Variants in EFCAB6 observed in about 807,000 individuals in gnomAD.
EFCAB6 encodes the protein EF-hand calcium binding domain 6.
In EFCAB6, 156 loss-of-function variants were observed where a neutral mutation model predicts 169.8. The observed-to-expected ratio is 0.92, with a 90% CI of 0.81 to 1.05. EFCAB6 has a LOEUF of 1.05. EFCAB6 is among the 50% of genes least tolerant of loss of function. The pLI is 0.00. For missense variants in EFCAB6, 1,800 were observed against 1,829.1 expected, an observed-to-expected ratio of 0.98 and a Z score of 0.29; for synonymous variants, 698 against 676.4, an observed-to-expected ratio of 1.03 and a Z score of -0.50.
chr22:43,531,059 G>A, intron 30 of EFCAB6, 95 bp from the exon 31 acceptor site: 1 of 1,536,362 alleles, frequency 6.5e-7, no homozygotes. Flanking sequence ...GCCCAGCCCT[G>A]CTCCGGCTTC....
intron 17 of EFCAB6, among the ~76,000 whole-genome samples, chr22:43,641,500 C>T (rs899572032): frequency 6.6e-6 from 1 of 151,974 alleles, no homozygotes; most frequent in Non-Finnish European, 1.5e-5. Flanking sequence ...CCTGCAATCC[C>T]AGCTACTTGG....
Position 43,626,474 on chromosome 22 carries a change from G to C in EFCAB6, c.2438C>G (p.Thr813Arg). ...AATGAGTCTTTGAGGCGCTTCATCT[G>C]TTCTCCATGGTCTCTTCTCACACAA... is the stretch of plus-strand genomic sequence containing the variant. ...QNLCEKRPWR[T>R]DEAPQRLIRP... Residue 813 changes from threonine (T) to arginine (R), a missense_variant, in exon 20 of 32, where the codon ACA becomes AGA. Coordinates refer to ENST00000262726, the MANE Select transcript of EFCAB6 (RefSeq NM_022785.4). The C allele has an allele frequency of 2.5e-6, 4 of 1,614,158 alleles. No homozygotes were observed. The highest frequency in any genetic ancestry group is 3.4e-6 in the Non-Finnish European group (4 of 1,180,016).
At chr22:43,776,013 TGC>T (rs1406078210) in intron 3 of EFCAB6, among the ~76,000 whole-genome samples, 1 of 152,222 alleles carries the variant, frequency 6.6e-6, no homozygotes, top group African/African-American at 2.4e-5. Context: ...AAATGACTGT[TGC>T]TATTTCGAGC....
rs371232860 is a variant in EFCAB6, at chr22:43,792,925, G to C, written c.-7-10600C>G. Among the ~76,000 whole-genome samples the C allele has an allele frequency of 3.5e-4, 53 of 152,314 alleles. No homozygotes were observed. In the South Asian group the frequency reaches 0.011, roughly 31 times the overall value. ...GGACACTCAGTCTCACGCATTACCC[G>C]GCTCTCTAAGCACGTGGGGAACATC... On this transcript the variant is annotated intron_variant, in intron 2 of 31. Transcript: ENST00000262726.
chr22:43,731,046 G>A (rs2059929501), intron 8 of EFCAB6, among the ~76,000 whole-genome samples: 2 of 152,178 alleles, frequency 1.3e-5, no homozygotes, highest in South Asian at 2.1e-4. Context: ...TTAAGGTGAG[G>A]AAAATGACCA....
At chr22:43,784,548 TGTATATATACAC>T (rs2061957812) in intron 2 of EFCAB6, among the ~76,000 whole-genome samples, 5 of 109,816 alleles carry the variant, frequency 4.6e-5, no homozygotes, top group African/African-American at 1.1e-4. Flanking sequence ...TGTGTGTATA[TGTATATATACAC>T]ATATATATGT....
intron 4 of EFCAB6, among the ~76,000 whole-genome samples, chr22:43,771,132 T>C (rs1384247542): frequency 6.6e-6 from 1 of 152,100 alleles, no homozygotes; most frequent in African/African-American, 2.4e-5. Context: ...AGACTCTGAT[T>C]AAGAACTAAT....
At chr22:43,756,577 ATGTC>A (rs750082372) in intron 5 of EFCAB6, among the ~76,000 whole-genome samples, 31 of 152,098 alleles carry the variant, frequency 2.0e-4, no homozygotes, top group Non-Finnish European at 3.5e-4. Flanking sequence ...CCACTTTACA[ATGTC>A]TGTCCATGCC....
rs116196034 is a variant in EFCAB6 at position 43,605,170 on chromosome 22, C to A, written c.2681+3312G>T. The stretch of plus-strand genomic sequence containing the variant: ...CAGAAAGTATGACACTGAGAGAAAT[C>A]GGATGTCGCTGACTCTATCCTGCTT... On this transcript the variant is annotated intron_variant, in intron 22 of 31. Transcript: ENST00000262726. 3.8e-3 allele frequency among the ~76,000 whole-genome samples: 582 copies of A among 152,304 alleles called. 3 individuals are homozygous for A. The highest frequency in any genetic ancestry group is 0.014 in the Middle Eastern group (4 of 292).
intron 23 of EFCAB6, among the ~76,000 whole-genome samples, chr22:43,593,403 G>A (rs913920947): frequency 7.9e-5 from 12 of 152,178 alleles, no homozygotes; most frequent in Non-Finnish European, 1.6e-4. Flanking sequence ...CAGGATGCAC[G>A]GTTTCTCTCC....
intron 17 of EFCAB6, among the ~76,000 whole-genome samples, chr22:43,644,724 T>C (rs2056043530): frequency 6.6e-6 from 1 of 152,234 alleles, no homozygotes; most frequent in African/African-American, 2.4e-5. Context: ...TAAGCTGGTT[T>C]GGTTTTTGTT....
chr22:43,775,876 C>T (rs2061624070), intron 3 of EFCAB6, among the ~76,000 whole-genome samples: 1 of 152,266 alleles, frequency 6.6e-6, no homozygotes, highest in African/African-American at 2.4e-5. Context: ...ACAGCTGCAT[C>T]AACTGCTAGC....
intron 10 of EFCAB6, among the ~76,000 whole-genome samples, chr22:43,690,721 C>T (rs1261711545): frequency 6.6e-6 from 1 of 151,748 alleles, no homozygotes; most frequent in African/African-American, 2.4e-5. Flanking sequence ...TCTCTCCGTT[C>T]TTCCAAAGAG....
In EFCAB6 at chr22:43,652,379, C is replaced by T. The variant is rs150211999; in HGVS notation, c.1983+14725G>A. Among the ~76,000 whole-genome samples, 266 of 152,292 alleles carry T rather than the reference C, an allele frequency of 1.7e-3. 1 individual carries two copies. The highest frequency in any genetic ancestry group is 6.4e-3 in the African/African-American group (264 of 41,562). On this transcript the variant is annotated intron_variant, in intron 17 of 31. Coordinates refer to ENST00000262726, the MANE Select transcript of EFCAB6 (RefSeq NM_022785.4). ...GCCTTCCACCATGATTGTGAGGCTT[C>T]CCCAGCCATGTGGAACTGTAAGTCC... is the stretch of plus-strand genomic sequence containing the variant.
intron 11 of EFCAB6, 128 bp downstream of exon 11, chr22:43,687,343 G>T: frequency 1.7e-6 from 1 of 584,638 alleles, no homozygotes; most frequent in Non-Finnish European, 2.8e-6. Context: ...TATAAAAGTT[G>T]GCAATTATTC....
At chr22:43,564,284 C>T (rs148584047) in intron 26 of EFCAB6, among the ~76,000 whole-genome samples, 161 of 150,624 alleles carry the variant, frequency 1.1e-3, no homozygotes, top group African/African-American at 3.7e-3. Context: ...CCCATCTCTA[C>T]AAAAAATACA....
chr22:43,559,247 A>G lies in EFCAB6; in HGVS notation c.3421-4151T>C, dbSNP rs148805875. ...AAAAGAAGACATTTATGTGGCCAAT[A>G]AACATATGAAAAAAAGCTCATCATC... On this transcript the variant is annotated intron_variant, in intron 26 of 31. Coordinates refer to ENST00000262726, the MANE Select transcript of EFCAB6 (RefSeq NM_022785.4). Among the ~76,000 whole-genome samples the G allele has an allele frequency of 4.4e-3, 664 of 152,358 alleles. 1 individual carries two copies. Among genetic ancestry groups the G allele is most frequent in the Non-Finnish European group, 7.7e-3 (521 of 68,032 alleles).
intron 17 of EFCAB6, among the ~76,000 whole-genome samples, chr22:43,663,402 G>A (rs1300765105): frequency 2.0e-5 from 3 of 152,058 alleles, no homozygotes; most frequent in Non-Finnish European, 4.4e-5. Flanking sequence ...GTAGAAAAAA[G>A]CCATTTACCC....
At chr22:43,710,730 G>A (rs544367822) in intron 10 of EFCAB6, among the ~76,000 whole-genome samples, 4 of 152,158 alleles carry the variant, frequency 2.6e-5, no homozygotes, top group Non-Finnish European at 5.9e-5. Context: ...ATAAGATCAC[G>A]AAAAGAGAGA....
Sources: allele counts gnomAD v4.1 joint callset (sites outside exome capture counted in the v4.1 genomes callset), GRCh38; gene constraint gnomAD v4.1.1; transcripts MANE v1.5; gene names NCBI Gene and HGNC (gene_info 2026-07-23, HGNC 2026-07-21).